HOMER2: variants seen among roughly 807,000 people sequenced by gnomAD.
HOMER2 encodes homer protein homolog 2.
A neutral mutation model predicts 47.0 loss-of-function variants in HOMER2; 27 were observed. The observed-to-expected ratio is 0.57, with a 90% CI of 0.42 to 0.79. The LOEUF is 0.79. HOMER2 is among the 30% of genes least tolerant of loss of function. The pLI is 0.00. For synonymous variants in HOMER2, 161 were observed against 163.8 expected (o/e 0.98, Z 0.13); for missense variants, 443 against 435.0 (o/e 1.02, Z -0.16).
At chr15:82,954,232 G>A (rs1187674369), upstream of HOMER2, among the ~76,000 whole-genome samples, 2 of 152,108 alleles carry the variant, frequency 1.3e-5, no homozygotes, top group Non-Finnish European at 1.5e-5. Flanking sequence ...GGATTCTGAA[G>A]TGTTCGAATA....
intron 1 of HOMER2, among the ~76,000 whole-genome samples, chr15:82,941,633 A>G (rs2054269059): frequency 6.6e-6 from 1 of 151,508 alleles, no homozygotes; most frequent in Non-Finnish European, 1.5e-5. Context: ...CTTCAACACC[A>G]GGACAAGCTG....
At chr15:82,939,584 C>G (rs1190847640) in intron 1 of HOMER2, among the ~76,000 whole-genome samples, 3 of 152,108 alleles carry the variant, frequency 2.0e-5, no homozygotes, top group Admixed American at 6.5e-5. Context: ...GCAGGAAGAT[C>G]GCTTGAACCT....
intron 2 of HOMER2, among the ~76,000 whole-genome samples, chr15:82,880,321 G>A (rs866063087): frequency 2.0e-4 from 30 of 152,274 alleles, no homozygotes; most frequent in Admixed American, 1.3e-4. Context: ...CCAACTTCTG[G>A]TTTAGCGATA....
At chr15:82,897,309 A>T (rs8031927) in intron 1 of HOMER2, among the ~76,000 whole-genome samples, 1 of 151,754 alleles carries the variant, frequency 6.6e-6, no homozygotes, top group Non-Finnish European at 1.5e-5. Flanking sequence ...CATGATCCAC[A>T]TGCCTCGGCC....
chr15:82,954,598 A>C (rs1176964089), upstream of HOMER2, among the ~76,000 whole-genome samples: 1 of 147,416 alleles, frequency 6.8e-6, no homozygotes, highest in Non-Finnish European at 1.5e-5. Context: ...CGAGTTTTTC[A>C]TTTTTTTAAA....
intron 1 of HOMER2, among the ~76,000 whole-genome samples, chr15:82,976,455 A>G (rs8041565): frequency 0.034 from 5,196 of 151,422 alleles, 267 homozygotes; most frequent in African/African-American, 0.12. Context: ...CCACCACCAC[A>G]CCCAGCTAAT....
chr15:82,864,339 G>C (rs1290957616), intron 3 of HOMER2, 80 bp from the exon 4 acceptor site: 1 of 928,628 alleles, frequency 1.1e-6, no homozygotes, highest in African/African-American at 1.7e-5. Context: ...TATTTATTTT[G>C]CATCCATTTT....
chr15:82,950,282 C>A (rs1292735090), intron 1 of HOMER2, among the ~76,000 whole-genome samples: 2 of 152,168 alleles, frequency 1.3e-5, no homozygotes, highest in Non-Finnish European at 2.9e-5. Flanking sequence ...ACACAGAACA[C>A]TTCGCAGAAG....
intron 1 of HOMER2, among the ~76,000 whole-genome samples, chr15:82,901,174 G>C (rs1359727201): frequency 2.0e-5 from 3 of 152,176 alleles, no homozygotes; most frequent in Non-Finnish European, 4.4e-5. Context: ...ATGTGCTTTG[G>C]AAAAGGGTCC....
At chr15:82,933,988 T>C (rs890862418) in intron 1 of HOMER2, among the ~76,000 whole-genome samples, 1 of 152,100 alleles carries the variant, frequency 6.6e-6, no homozygotes, top group Non-Finnish European at 1.5e-5. Flanking sequence ...GAGCCGGTCC[T>C]TCCCGCTCCC....
chr15:82,868,523 T>TTATATATATATATATATA (rs1244361918), intron 3 of HOMER2, among the ~76,000 whole-genome samples: 16 of 36,628 alleles, frequency 4.4e-4, no homozygotes, highest in East Asian at 3.0e-3. Context: ...CTTATTTATT[T>TTATATATATATATATATA]TATATATATA....
At chr15:82,910,132 CAA>C (rs35191408) in intron 1 of HOMER2, among the ~76,000 whole-genome samples, 14 of 22,128 alleles carry the variant, frequency 6.3e-4, no homozygotes, top group Non-Finnish European at 1.4e-3. Context: ...GATTCTGTCT[CAA>C]AAAAAAAAAA....
At position 82,849,358 on chromosome 15, in the gene HOMER2, G is replaced by A. The variant is rs1003341008; in HGVS notation, c.*357C>T. The A allele has an allele frequency of 1.5e-5, 3 of 199,896 alleles. No individual in the cohort carries two copies. The highest frequency in any genetic ancestry group is 3.0e-5 in the Non-Finnish European group (3 of 99,286). The allele number at this position is 199,896 out of a possible 1,614,324, so 12.4% of individuals were successfully genotyped here. ...TTTGATAAAAGGAGCCTGATGGCTTGGTGTAAAGAATATCAATATTTGGAT... is the reference window on the plus strand; with the variant it reads ...TTTGATAAAAGGAGCCTGATGGCTTAGTGTAAAGAATATCAATATTTGGAT... On this transcript the variant is annotated 3_prime_UTR_variant, in exon 9 of 9. Transcript: ENST00000450735.
chr15:82,850,666 C>T (rs1335251422), intron 8 of HOMER2, among the ~76,000 whole-genome samples: 4 of 152,182 alleles, frequency 2.6e-5, no homozygotes, highest in African/African-American at 7.2e-5. Context: ...CTACATGAAG[C>T]GCCGTGTGCA....
At chr15:82,889,663 G>A (rs2052646821) in intron 2 of HOMER2, among the ~76,000 whole-genome samples, 1 of 152,150 alleles carries the variant, frequency 6.6e-6, no homozygotes. Flanking sequence ...GTGGGGAAGG[G>A]GCAAGCCGCG....
exon 2 of HOMER2, chr15:82,842,535 A>T (rs2051187719): frequency 6.8e-6 from 1 of 146,130 alleles, no homozygotes; most frequent in Non-Finnish European, 1.5e-5. Flanking sequence ...GCTGGTCTCG[A>T]ACTCCTGATC....
intron 5 of HOMER2, among the ~76,000 whole-genome samples, chr15:82,857,319 A>C (rs2051618223): frequency 1.3e-5 from 2 of 151,390 alleles, no homozygotes; most frequent in African/African-American, 4.9e-5. Flanking sequence ...TGGACTTTCT[A>C]GCCTCCAGAA....
intron 1 of HOMER2, among the ~76,000 whole-genome samples, chr15:82,912,270 C>T (rs1189891432): frequency 2.0e-5 from 3 of 152,166 alleles, no homozygotes; most frequent in Non-Finnish European, 4.4e-5. Context: ...CCCTAGCAAC[C>T]ACTAACTTAC....
chr15:82,929,176 C>T (rs1189956244), intron 1 of HOMER2, among the ~76,000 whole-genome samples: 3 of 152,048 alleles, frequency 2.0e-5, no homozygotes, highest in African/African-American at 7.2e-5. Flanking sequence ...ATTTAGATTC[C>T]TACCACGTAA....
Sources: allele counts gnomAD v4.1 joint callset (sites outside exome capture counted in the v4.1 genomes callset), GRCh38; gene constraint gnomAD v4.1.1; transcripts MANE v1.5; gene names NCBI Gene and HGNC (gene_info 2026-07-23, HGNC 2026-07-21).